Variants in ATP8A2 observed in about 807,000 individuals in gnomAD.
ATP8A2 encodes phospholipid-transporting ATPase IB.
Under a neutral mutation model 165.6 loss-of-function variants are expected in ATP8A2, and 100 were observed. The ratio of observed to expected loss-of-function variants is 0.60; its 90% CI spans 0.51 to 0.71. ATP8A2 has a LOEUF of 0.71. Among genes scored for constraint, ATP8A2 ranks in the 30% least tolerant of loss-of-function variants. The pLI, the probability that ATP8A2 is intolerant of heterozygous loss-of-function variation, is 0.00. For missense variants in ATP8A2, 1,227 were observed against 1,479.5 expected (o/e 0.83, Z 2.80); for synonymous variants, 543 against 548.8 (o/e 0.99, Z 0.15).
At chr13:25,438,963 C>T (rs950126462) in intron 1 of ATP8A2, among the ~76,000 whole-genome samples, 1 of 152,160 alleles carries the variant, frequency 6.6e-6, no homozygotes, top group Non-Finnish European at 1.5e-5. Flanking sequence ...GGCTCAGACC[C>T]TTTAAGAATT....
chr13:25,474,052 C>T (rs1190391675), intron 2 of ATP8A2, among the ~76,000 whole-genome samples: 3 of 152,110 alleles, frequency 2.0e-5, no homozygotes, highest in Non-Finnish European at 4.4e-5. Context: ...ATGAGGTCTT[C>T]AAAGCTAGTT....
At chr13:25,996,700 T>C (rs1343524383) in intron 35 of ATP8A2, among the ~76,000 whole-genome samples, 2 of 152,078 alleles carry the variant, frequency 1.3e-5, no homozygotes, top group East Asian at 3.9e-4. Flanking sequence ...TAATTTTTTT[T>C]TGAGACGGAG....
intron 1 of ATP8A2, among the ~76,000 whole-genome samples, chr13:25,439,000 C>G (rs7327348): frequency 0.22 from 33,470 of 152,162 alleles, 4,029 homozygotes; most frequent in East Asian, 0.4. Context: ...CATGATCCCT[C>G]ACGAGAATTA....
intron 24 of ATP8A2, among the ~76,000 whole-genome samples, chr13:25,682,733 T>A (rs1003314989): frequency 1.3e-5 from 2 of 152,138 alleles, no homozygotes; most frequent in African/African-American, 4.8e-5. Context: ...CACATATGTG[T>A]ATTGGTTTAC....
chr13:25,703,616 A>G (rs1469569656), intron 25 of ATP8A2, among the ~76,000 whole-genome samples: 6 of 152,214 alleles, frequency 3.9e-5, no homozygotes, highest in Non-Finnish European at 5.9e-5. Context: ...ATAAAAAAAA[A>G]TAAAGTAGTG....
At chr13:25,381,901 A>C (rs1488296801) in intron 1 of ATP8A2, among the ~76,000 whole-genome samples, 1 of 152,144 alleles carries the variant, frequency 6.6e-6, no homozygotes, top group Non-Finnish European at 1.5e-5. Flanking sequence ...GGAAGTGGGG[A>C]TGCCGTCTGT....
At chr13:25,571,894 C>A in intron 18 of ATP8A2, 1 of 601,198 alleles carries the variant, frequency 1.7e-6, no homozygotes, top group South Asian at 1.9e-5. Context: ...CTTCAAGATG[C>A]TTTTCCACAT....
At chr13:25,809,444 A>C (rs570270183) in intron 27 of ATP8A2, among the ~76,000 whole-genome samples, 3 of 152,010 alleles carry the variant, frequency 2.0e-5, no homozygotes, top group Middle Eastern at 3.4e-3. Context: ...TCATCTCAAC[A>C]CTCGTTCTTC....
chr13:25,539,174 G>GGGC, intron 7 of ATP8A2, among the ~76,000 whole-genome samples: 1 of 151,780 alleles, frequency 6.6e-6, no homozygotes, highest in East Asian at 1.9e-4. Context: ...ATAGCTCACT[G>GGGC]TAAGTTCAAA....
At chr13:25,585,750 G>T (rs761601021) in intron 23 of ATP8A2, among the ~76,000 whole-genome samples, 7 of 152,150 alleles carry the variant, frequency 4.6e-5, no homozygotes, top group Non-Finnish European at 8.8e-5. Context: ...AAAGGAAGGC[G>T]AGTTGCCATT....
chr13:25,921,403 G>A (rs1268054712), intron 33 of ATP8A2, among the ~76,000 whole-genome samples: 1 of 151,480 alleles, frequency 6.6e-6, no homozygotes, highest in East Asian at 1.9e-4. Flanking sequence ...GGATCACGAG[G>A]TCAGAAGTTC....
intron 25 of ATP8A2, among the ~76,000 whole-genome samples, chr13:25,715,399 G>A (rs891568159): frequency 1.3e-5 from 2 of 152,164 alleles, no homozygotes; most frequent in African/African-American, 4.8e-5. Flanking sequence ...AATCAAATTA[G>A]TATACTCATA....
intron 24 of ATP8A2, among the ~76,000 whole-genome samples, chr13:25,643,990 C>CTATTTTATTT (rs58607075): frequency 1.3e-5 from 2 of 151,560 alleles, no homozygotes; most frequent in Non-Finnish European, 2.9e-5. Context: ...CAATTTATTC[C>CTATTTTATTT]TATTTTATTT....
At chr13:25,625,357 C>T (rs1173333581) in intron 24 of ATP8A2, among the ~76,000 whole-genome samples, 1 of 152,212 alleles carries the variant, frequency 6.6e-6, no homozygotes, top group Non-Finnish European at 1.5e-5. Flanking sequence ...TGCCTTAAAA[C>T]ATACAGCCTC....
In ATP8A2 at chr13:25,581,944, T is replaced by C. The variant is rs755563234; in HGVS notation, c.2133T>C (p.Thr711=). ...IWVLTGDKQE[T]AINIGYSCRL... is the part of the protein sequence containing the mutation. ...TGTTGACAGGAGACAAACAAGAAAC[T>C]GCGATTAATATAGGTAATTATTTTT... The change falls in exon 23 of 37, where the codon ACT becomes ACC. Residue 711 remains threonine, a synonymous_variant. Coordinates refer to ENST00000381655, the MANE Select transcript of ATP8A2 (RefSeq NM_016529.6). The C allele has an allele frequency of 1.9e-6, 3 of 1,610,594 alleles. No homozygotes were observed. The highest frequency in any genetic ancestry group is 1.7e-6 in the Non-Finnish European group (2 of 1,178,894).
At position 25,952,244 on chromosome 13, in the gene ATP8A2, C is replaced by T. The variant is rs150706573; in HGVS notation, c.3184-9331C>T. ...AATTGACACCAAGCTCTAGGCATTTCGTACAGGGAGAGAGTGGGCATGAAT... is the reference window on the plus strand; with the variant it reads ...AATTGACACCAAGCTCTAGGCATTTTGTACAGGGAGAGAGTGGGCATGAAT... On this transcript the variant is annotated intron_variant, in intron 33 of 36. Coordinates refer to ENST00000381655, the MANE Select transcript of ATP8A2 (RefSeq NM_016529.6). 4.9e-3 allele frequency among the ~76,000 whole-genome samples: 752 copies of T among 152,234 alleles called. 1 individual carries two copies. The highest frequency in any genetic ancestry group is 0.034 in the Middle Eastern group (10 of 294).
chr13:25,425,822 C>T (rs1035277276), intron 1 of ATP8A2, among the ~76,000 whole-genome samples: 9 of 152,120 alleles, frequency 5.9e-5, no homozygotes, highest in Non-Finnish European at 7.4e-5. Flanking sequence ...GTGATCCGCC[C>T]GCCTCCGCCT....
In ATP8A2 at chr13:26,022,547, C is replaced by G. The variant is rs1027893255; in HGVS notation, c.*2562C>G. 2.0e-5 allele frequency: 3 copies of G among 152,170 alleles called. No homozygotes were observed. Among genetic ancestry groups the G allele is most frequent in the Admixed American group, 2.0e-4 (3 of 15,276 alleles). The allele number at this position is 152,170 out of a possible 1,614,324, so 9.4% of individuals were successfully genotyped here. A position where few individuals can be genotyped will look rare whatever the true frequency, so the allele number is the denominator to read the frequency against. ...ACAGAAGAAAACATTAGAAGAGATG[C>G]CTTTCTATCCTCTCATGTGGTTGAG... is the stretch of plus-strand genomic sequence containing the variant. On this transcript the variant is annotated 3_prime_UTR_variant, in exon 37 of 37. Coordinates refer to ENST00000381655, the MANE Select transcript of ATP8A2 (RefSeq NM_016529.6).
At chr13:25,592,354 A>T (rs1310579123) in intron 24 of ATP8A2, among the ~76,000 whole-genome samples, 1 of 152,214 alleles carries the variant, frequency 6.6e-6, no homozygotes, top group Non-Finnish European at 1.5e-5. Flanking sequence ...TGCACTCAGT[A>T]AATGTTTGAA....
Sources: gnomAD v4.1 joint callset for allele counts (sites outside exome capture counted in the v4.1 genomes callset) on GRCh38, gnomAD v4.1.1 for gene constraint, MANE v1.5 for transcripts, NCBI Gene and HGNC (gene_info 2026-07-23, HGNC 2026-07-21) for gene names.